Variants in MYOF observed in about 807,000 individuals in gnomAD.
The protein encoded by MYOF is myoferlin.
A neutral mutation model predicts 284.2 loss-of-function variants in MYOF; 244 were observed. The ratio of observed to expected loss-of-function variants is 0.86; its 90% CI spans 0.77 to 0.95. The LOEUF (loss-of-function observed/expected upper bound fraction) is 0.95, where lower values mean the gene tolerates loss of function less well. Ranked by LOEUF, MYOF falls within the 40% of genes least tolerant of loss-of-function variation. MYOF has a pLI of 0.00. For missense variants in MYOF, 2,496 were observed against 2,560.6 expected (o/e 0.97, Z 0.54); for synonymous variants, 904 against 919.7 (o/e 0.98, Z 0.31).
chr10:93,405,552 C>T (rs892880622), intron 7 of MYOF, among the ~76,000 whole-genome samples: 5 of 152,142 alleles, frequency 3.3e-5, no homozygotes, highest in African/African-American at 1.2e-4. Flanking sequence ...GCTTGGCCTC[C>T]CAAAGTACTG....
chr10:93,362,435 G>A (rs1042025989), intron 27 of MYOF, among the ~76,000 whole-genome samples: 12 of 151,196 alleles, frequency 7.9e-5, no homozygotes, highest in African/African-American at 2.7e-4. Context: ...AGTACAGATG[G>A]GGTTTCATCA....
At chr10:93,350,033 A>C in intron 35 of MYOF, 64 bp from the exon 36 acceptor site, 1 of 1,500,234 alleles carries the variant, frequency 6.7e-7, no homozygotes, top group Non-Finnish European at 9.1e-7. Context: ...ATTCAAAAGG[A>C]AAAATTCTGT....
intron 44 of MYOF, 88 bp from the exon 45 acceptor site, chr10:93,328,999 T>A: frequency 1.4e-6 from 2 of 1,383,384 alleles, no homozygotes; most frequent in Non-Finnish European, 2.0e-6. Context: ...TACTCTTAGG[T>A]GCTCCCATAT....
Position 93,408,881 on chromosome 10 carries a change from C to CCAGTTG in MYOF, c.634_635insCAACTG (p.Ser212delinsThrThrGly). The CCAGTTG allele has an allele frequency of 6.2e-7, 1 of 1,614,248 alleles. No homozygotes were observed. The highest frequency in any genetic ancestry group is 8.5e-7 in the Non-Finnish European group (1 of 1,180,050). Reference sequence around the variant, plus strand: ...GACCACAGGCCTTATGTTGTTACCACTTAACTGTCGGCCCTCAATCACTCG... The same window carrying CCAGTTG: ...GACCACAGGCCTTATGTTGTTACCACCAGTTGTTAACTGTCGGCCCTCAATCACTCG... On this transcript the variant is annotated protein_altering_variant, in exon 7 of 54. Coordinates refer to ENST00000359263, the MANE Select transcript of MYOF (RefSeq NM_013451.4).
intron 30 of MYOF, 132 bp downstream of exon 30, chr10:93,356,543 C>A: frequency 1.0e-6 from 1 of 976,846 alleles, no homozygotes; most frequent in Non-Finnish European, 1.5e-6. Flanking sequence ...GGCTTTCCCT[C>A]AACCTGTTAA....
chr10:93,428,732 A>G (rs529428775), intron 4 of MYOF, among the ~76,000 whole-genome samples: 1 of 152,322 alleles, frequency 6.6e-6, no homozygotes, highest in Admixed American at 6.5e-5. Flanking sequence ...ATACGACCCT[A>G]GCCACAGTTT....
At chr10:93,312,982 A>C in intron 51 of MYOF, 38 bp downstream of exon 51, 1 of 1,569,540 alleles carries the variant, frequency 6.4e-7, no homozygotes, top group Non-Finnish European at 8.6e-7. Flanking sequence ...GATAAAAGGC[A>C]TAAACGATTT....
chr10:93,332,887 C>A (rs1237094843), intron 43 of MYOF, among the ~76,000 whole-genome samples: 1 of 151,956 alleles, frequency 6.6e-6, no homozygotes, highest in African/African-American at 2.4e-5. Context: ...CTCAGAGTTG[C>A]GAGATTTTTT....
chr10:93,397,409 C>T lies in MYOF; in HGVS notation c.1269G>A (p.Gln423=). 1 of 1,611,578 alleles carries T rather than the reference C, an allele frequency of 6.2e-7. No individual in the cohort carries two copies. The highest frequency in any genetic ancestry group is 8.5e-7 in the Non-Finnish European group (1 of 1,179,458). The change falls in exon 14 of 54, where the codon CAG becomes CAA. Residue 423 remains glutamine (Q), a synonymous_variant. Transcript: ENST00000359263. ...AAACCTTGATCTGAAGATTGACGAC[C>T]TGATTCCACTCTGGGTTTGCATTTT... The part of the protein sequence containing the change: ...IEKNANPEWN[Q]VVNLQIKFPS...
intron 2 of MYOF, among the ~76,000 whole-genome samples, chr10:93,452,505 T>A (rs562382132): frequency 7.6e-6 from 1 of 130,892 alleles, no homozygotes; most frequent in African/African-American, 3.0e-5. Context: ...AATTGAACAA[T>A]GAGAACACTT....
chr10:93,454,526 A>C (rs1460914902), intron 2 of MYOF, among the ~76,000 whole-genome samples: 2 of 152,162 alleles, frequency 1.3e-5, no homozygotes, highest in African/African-American at 4.8e-5. Flanking sequence ...TTATTCTTGG[A>C]GTTCTGTCAG....
chr10:93,421,024 C>A (rs1848336228), intron 5 of MYOF, among the ~76,000 whole-genome samples: 1 of 152,004 alleles, frequency 6.6e-6, no homozygotes, highest in Non-Finnish European at 1.5e-5. Context: ...TCAAGACCAG[C>A]CTGGGCAACA....
At chr10:93,329,906 C>A in intron 43 of MYOF, 72 bp from the exon 44 acceptor site, 1 of 1,494,328 alleles carries the variant, frequency 6.7e-7, no homozygotes, top group East Asian at 2.3e-5. Context: ...GGGCTCTGTG[C>A]ACAGAATTCC....
intron 13 of MYOF, 119 bp downstream of exon 13, chr10:93,399,273 G>C (rs1351997941): frequency 5.6e-6 from 4 of 717,538 alleles, no homozygotes; most frequent in Middle Eastern, 3.1e-4. Flanking sequence ...TTCCCTCAGA[G>C]TGCCTGGCTC....
chr10:93,466,775 A>G (rs1305841781), intron 1 of MYOF, among the ~76,000 whole-genome samples: 1 of 152,136 alleles, frequency 6.6e-6, no homozygotes, highest in African/African-American at 2.4e-5. Context: ...GGAGTTTGAG[A>G]CCTGCCTGGG....
chr10:93,465,893 G>A (rs1286973449), intron 1 of MYOF, among the ~76,000 whole-genome samples: 1 of 152,184 alleles, frequency 6.6e-6, no homozygotes, highest in African/African-American at 2.4e-5. Flanking sequence ...GCTCCGGAGG[G>A]CAGGGCCCCT....
At chr10:93,341,876 TC>T (rs749815494) in intron 38 of MYOF, 1 of 1,277,294 alleles carries the variant, frequency 7.8e-7, no homozygotes, top group South Asian at 1.2e-5. Context: ...GGTCCCACAG[TC>T]CCAGGCAGCC....
intron 5 of MYOF, among the ~76,000 whole-genome samples, chr10:93,423,586 C>T (rs181731382): frequency 0.013 from 1,871 of 144,234 alleles, 24 homozygotes; most frequent in Middle Eastern, 0.02. Flanking sequence ...GTAATCCCAG[C>T]ACTTTGGGAG....
At chr10:93,314,211 C>T (rs1186782398) in intron 50 of MYOF, among the ~76,000 whole-genome samples, 1 of 152,160 alleles carries the variant, frequency 6.6e-6, no homozygotes, top group East Asian at 1.9e-4. Flanking sequence ...GCCTCAGCCT[C>T]CCTAGTAGCT....
Sources: gnomAD v4.1 joint callset for allele counts (sites outside exome capture counted in the v4.1 genomes callset) on GRCh38, gnomAD v4.1.1 for gene constraint, MANE v1.5 for transcripts, NCBI Gene and HGNC (gene_info 2026-07-23, HGNC 2026-07-21) for gene names.